LIN52: variants seen among roughly 807,000 people sequenced by gnomAD.
LIN52 encodes lin-52 DREAM MuvB core complex component.
In LIN52, 4 loss-of-function variants were observed where a neutral mutation model predicts 18.5. The observed-to-expected ratio is 0.22, with a 90% CI of 0.11 to 0.49. The LOEUF is 0.49. Among genes scored for constraint, LIN52 ranks in the 20% least tolerant of loss-of-function variants. The probability of loss-of-function intolerance (pLI) is 0.97; values close to 1 mark genes in which losing one functional copy is unlikely to be tolerated. For missense variants in LIN52, 102 were observed against 139.5 expected (o/e 0.73, Z 1.35); for synonymous variants, 34 against 45.5 (o/e 0.75, Z 1.02).
At chr14:74,106,362 T>A (rs548995545) in intron 5 of LIN52, among the ~76,000 whole-genome samples, 1 of 152,092 alleles carries the variant, frequency 6.6e-6, no homozygotes, top group Non-Finnish European at 1.5e-5. Flanking sequence ...CTCGAACTCC[T>A]GGGCTCAAGA....
Position 74,093,043 on chromosome 14 carries a change from C to T in LIN52, c.94+1737C>T, listed in dbSNP as rs571167738. ...CTCGGCTCACTGCAACGTCCGCCTC[C>T]CTGGTTCAAGCGATGCTCCTGCCTC... On this transcript the variant is annotated intron_variant, in intron 2 of 5. Coordinates refer to ENST00000555028, the MANE Select transcript of LIN52 (RefSeq NM_001024674.3). Among the ~76,000 whole-genome samples the T allele has an allele frequency of 9.9e-5, 15 of 152,074 alleles. No individual in the cohort carries two copies. In the East Asian group the frequency reaches 2.9e-3, roughly 30 times the overall value.
intron 5 of LIN52, among the ~76,000 whole-genome samples, chr14:74,124,330 A>G (rs1225067182): frequency 6.6e-6 from 1 of 152,208 alleles, no homozygotes; most frequent in Non-Finnish European, 1.5e-5. Context: ...GAGCCTTTGT[A>G]AAAGACCAAA....
intron 5 of LIN52, among the ~76,000 whole-genome samples, chr14:74,171,789 A>T (rs565259417): frequency 3.1e-5 from 4 of 130,122 alleles, no homozygotes; most frequent in Non-Finnish European, 6.1e-5. Context: ...CCCAGTCTGG[A>T]GAGCAATGGT....
intron 5 of LIN52, among the ~76,000 whole-genome samples, chr14:74,195,166 G>C (rs1484646773): frequency 6.6e-6 from 1 of 151,942 alleles, no homozygotes; most frequent in African/African-American, 2.4e-5. Context: ...GAAAATAGTT[G>C]ACAGATTTCA....
At chr14:74,145,446 T>G (rs1039717924) in intron 5 of LIN52, among the ~76,000 whole-genome samples, 1 of 152,226 alleles carries the variant, frequency 6.6e-6, no homozygotes, top group African/African-American at 2.4e-5. Context: ...AAGCATCCAC[T>G]TTTGTAGATC....
At chr14:74,175,242 C>CTGTA (rs146223459) in intron 5 of LIN52, among the ~76,000 whole-genome samples, 2,385 of 151,984 alleles carry the variant, frequency 0.016, 59 homozygotes, top group African/African-American at 0.054. Flanking sequence ...CCTTAGCTTA[C>CTGTA]TGTAGCTTTT....
chr14:74,113,025 A>AGAG (rs16459), intron 5 of LIN52, among the ~76,000 whole-genome samples: 34,124 of 152,020 alleles, frequency 0.22, 4,141 homozygotes, highest in South Asian at 0.46. Flanking sequence ...GCCTAGATTC[A>AGAG]GAGAAGGCAA....
intron 5 of LIN52, among the ~76,000 whole-genome samples, chr14:74,143,803 C>G (rs1159244656): frequency 1.3e-5 from 2 of 152,148 alleles, no homozygotes; most frequent in Non-Finnish European, 2.9e-5. Context: ...AAAAGCCTCT[C>G]TTCCAGCTAT....
At chr14:74,136,655 ATAT>A (rs2061099663) in intron 5 of LIN52, among the ~76,000 whole-genome samples, 1 of 152,254 alleles carries the variant, frequency 6.6e-6, no homozygotes, top group African/African-American at 2.4e-5. Flanking sequence ...ATACAATAAA[ATAT>A]TATTTGGATA....
At chr14:74,085,887 T>C (rs1225925681) in intron 1 of LIN52, among the ~76,000 whole-genome samples, 1 of 152,178 alleles carries the variant, frequency 6.6e-6, no homozygotes, top group East Asian at 1.9e-4. Context: ...TTGGAAGGAA[T>C]CTTGGAAGTT....
Position 74,158,669 on chromosome 14 carries a change from G to C in LIN52, c.284-40253G>C, listed in dbSNP as rs189382756. On this transcript the variant is annotated intron_variant, in intron 5 of 5. Coordinates refer to ENST00000555028, the MANE Select transcript of LIN52 (RefSeq NM_001024674.3). ...AATTTTGTATTTTTAGTAGAGATGG[G>C]GTTTCTCCATGTTGGTCAGGCTGTT... Among the ~76,000 whole-genome samples the C allele has an allele frequency of 2.5e-3, 377 of 151,218 alleles. 1 individual carries two copies. The highest frequency in any genetic ancestry group is 4.5e-3 in the Non-Finnish European group (304 of 67,802).
At chr14:74,189,291 G>A (rs1376232763) in intron 5 of LIN52, among the ~76,000 whole-genome samples, 1 of 152,178 alleles carries the variant, frequency 6.6e-6, no homozygotes, top group African/African-American at 2.4e-5. Context: ...ACTATGTAAA[G>A]GCCCTGAAGC....
intron 1 of LIN52, chr14:74,085,517 A>T (rs2060721653): frequency 6.6e-6 from 1 of 152,348 alleles, no homozygotes; most frequent in Non-Finnish European, 1.5e-5. Context: ...CGTGGCAGCA[A>T]GAGAAGCGGG....
intron 5 of LIN52, among the ~76,000 whole-genome samples, chr14:74,196,048 C>G (rs1414432424): frequency 6.6e-6 from 1 of 152,156 alleles, no homozygotes; most frequent in Non-Finnish European, 1.5e-5. Flanking sequence ...ATTCGTATAT[C>G]TCCTGTATGG....
intron 5 of LIN52, among the ~76,000 whole-genome samples, chr14:74,150,725 C>G (rs1294817902): frequency 1.3e-5 from 2 of 152,150 alleles, no homozygotes; most frequent in African/African-American, 4.8e-5. Context: ...TGAATACACT[C>G]TAAGGGCTAA....
At chr14:74,119,778 T>C (rs769001583) in intron 5 of LIN52, among the ~76,000 whole-genome samples, 2 of 152,084 alleles carry the variant, frequency 1.3e-5, no homozygotes, top group Non-Finnish European at 2.9e-5. Context: ...TTTTGTGAAG[T>C]CCTTATTAGT....
At chr14:74,181,348 G>T (rs945069208) in intron 5 of LIN52, among the ~76,000 whole-genome samples, 21 of 151,390 alleles carry the variant, frequency 1.4e-4, no homozygotes, top group Non-Finnish European at 1.5e-5. Flanking sequence ...GCTAAGGTGG[G>T]AGGACTGTTT....
At chr14:74,149,895 G>C (rs1390092891) in intron 5 of LIN52, among the ~76,000 whole-genome samples, 2 of 152,108 alleles carry the variant, frequency 1.3e-5, no homozygotes, top group Admixed American at 1.3e-4. Context: ...GTCCTCAAGG[G>C]GGACCAAGAG....
chr14:74,162,654 A>G (rs978116247), intron 5 of LIN52, among the ~76,000 whole-genome samples: 2 of 151,974 alleles, frequency 1.3e-5, no homozygotes, highest in Non-Finnish European at 2.9e-5. Context: ...TCATCCACCA[A>G]AAGTGCTGAG....
Sources: allele counts gnomAD v4.1 joint callset (sites outside exome capture counted in the v4.1 genomes callset), GRCh38; gene constraint gnomAD v4.1.1; transcripts MANE v1.5; gene names NCBI Gene and HGNC (gene_info 2026-07-23, HGNC 2026-07-21).